Variants in SORCS2 observed in about 807,000 individuals in gnomAD.
SORCS2 encodes VPS10 domain-containing receptor SorCS2.
A neutral mutation model predicts 141.6 loss-of-function variants in SORCS2; 100 were observed. The observed-to-expected ratio is 0.71, with a 90% CI of 0.60 to 0.83. SORCS2 has a LOEUF of 0.83. SORCS2 is among the 40% of genes least tolerant of loss of function. SORCS2 has a pLI of 0.00. For synonymous variants in SORCS2, 789 were observed against 676.9 expected, an observed-to-expected ratio of 1.17 and a Z score of -2.57; for missense variants, 1,646 against 1,560.2, an observed-to-expected ratio of 1.05 and a Z score of -0.93.
intron 2 of SORCS2, among the ~76,000 whole-genome samples, chr4:7,499,607 G>T (rs1374993173): frequency 6.6e-6 from 1 of 152,084 alleles, no homozygotes; most frequent in Non-Finnish European, 1.5e-5. Context: ...ACAGGCCATG[G>T]GGCTGGGCTC....
intron 3 of SORCS2, among the ~76,000 whole-genome samples, chr4:7,586,201 T>C (rs1716523865): frequency 6.6e-6 from 1 of 152,240 alleles, no homozygotes; most frequent in Non-Finnish European, 1.5e-5. Context: ...CTCCCATTAA[T>C]TTGACTGATT....
chr4:7,328,902 A>G (rs540189247), intron 1 of SORCS2, among the ~76,000 whole-genome samples: 39 of 152,274 alleles, frequency 2.6e-4, no homozygotes, highest in African/African-American at 9.4e-4. Flanking sequence ...CACCCTTGGC[A>G]GTTAGCTCAG....
intron 9 of SORCS2, among the ~76,000 whole-genome samples, chr4:7,680,883 G>A (rs971936377): frequency 3.9e-5 from 6 of 152,238 alleles, no homozygotes; most frequent in East Asian, 3.8e-4. Flanking sequence ...GGAGGCAAAA[G>A]ATCTGTACCA....
At chr4:7,330,698 G>A (rs1397433198) in intron 1 of SORCS2, among the ~76,000 whole-genome samples, 1 of 151,988 alleles carries the variant, frequency 6.6e-6, no homozygotes, top group Non-Finnish European at 1.5e-5. Flanking sequence ...TGCTCACCTT[G>A]GAACTTCGCA....
chr4:7,565,086 G>A (rs1349744991), intron 3 of SORCS2, among the ~76,000 whole-genome samples: 1 of 152,186 alleles, frequency 6.6e-6, no homozygotes, highest in African/African-American at 2.4e-5. Context: ...CAGAGGGAGG[G>A]GGAGCAAGGG....
intron 5 of SORCS2, among the ~76,000 whole-genome samples, chr4:7,659,757 A>T (rs1722030727): frequency 6.6e-6 from 1 of 152,192 alleles, no homozygotes; most frequent in Non-Finnish European, 1.5e-5. Context: ...AGCCTTGGAC[A>T]AAGGGGCCAG....
At chr4:7,521,999 C>G in intron 2 of SORCS2, among the ~76,000 whole-genome samples, 1 of 152,224 alleles carries the variant, frequency 6.6e-6, no homozygotes, top group South Asian at 2.1e-4. Context: ...GCCACCTGCC[C>G]ACCACTCTGT....
In SORCS2 at chr4:7,689,547, T is replaced by C. The variant is rs749702077; in HGVS notation, c.1550T>C (p.Val517Ala). Residue 517 changes from valine to alanine, a missense_variant, in exon 11 of 27, where the codon GTG (valine) becomes GCG (alanine). By Grantham distance (64) the Val-to-Ala change is moderately conservative. Coordinates refer to ENST00000507866, the MANE Select transcript of SORCS2 (RefSeq NM_020777.3). ...GACAACCCCTACGTATCAGGCACCG[T>C]GCACACCAAGGACACCGCCCCAGGC... Reference protein sequence around the residue: ...WADNPYVSGTVHTKDTAPGLI... With the variant: ...WADNPYVSGTAHTKDTAPGLI... The C allele has an allele frequency of 2.1e-5, 34 of 1,606,730 alleles. No individual in the cohort carries two copies. The highest frequency in any genetic ancestry group is 2.6e-5 in the Non-Finnish European group (31 of 1,177,254).
chr4:7,517,591 G>C (rs13114336), intron 2 of SORCS2, among the ~76,000 whole-genome samples: 8,403 of 152,224 alleles, frequency 0.055, 430 homozygotes, highest in African/African-American at 0.14. Context: ...ATACGAAAAT[G>C]TTATCATTTT....
At chr4:7,440,382 C>G (rs1411073383) in intron 2 of SORCS2, among the ~76,000 whole-genome samples, 1 of 152,206 alleles carries the variant, frequency 6.6e-6, no homozygotes, top group African/African-American at 2.4e-5. Context: ...TGATGCTGAC[C>G]AAGGGAGAGC....
At chr4:7,348,452 T>C (rs999249691) in intron 1 of SORCS2, among the ~76,000 whole-genome samples, 1 of 152,202 alleles carries the variant, frequency 6.6e-6, no homozygotes, top group Admixed American at 6.5e-5. Flanking sequence ...ACTACTGTCA[T>C]CAGCCTCCAC....
chr4:7,674,497 C>CG (rs565254639), intron 8 of SORCS2, among the ~76,000 whole-genome samples: 126 of 146,376 alleles, frequency 8.6e-4, no homozygotes, highest in South Asian at 1.4e-3. Context: ...GGTGTGAACC[C>CG]GGGGGGGCAG....
chr4:7,681,699 GT>G (rs1723536447), intron 9 of SORCS2, among the ~76,000 whole-genome samples: 1 of 152,194 alleles, frequency 6.6e-6, no homozygotes, highest in Non-Finnish European at 1.5e-5. Context: ...GGCTGCTGTT[GT>G]TCTCCCCATA....
chr4:7,685,920 A>G (rs1233817782), intron 10 of SORCS2, among the ~76,000 whole-genome samples: 1 of 152,212 alleles, frequency 6.6e-6, no homozygotes, highest in Non-Finnish European at 1.5e-5. Context: ...TGCTTGGAAG[A>G]TACAGAAAGG....
intron 1 of SORCS2, among the ~76,000 whole-genome samples, chr4:7,323,472 A>G (rs1719034655): frequency 6.6e-6 from 1 of 152,140 alleles, no homozygotes; most frequent in South Asian, 2.1e-4. Context: ...CTTGATCCTG[A>G]GGAGACCACG....
rs531655702 is a variant in SORCS2, at chr4:7,294,672, C to T, written c.480+101546C>T. 5.4e-3 allele frequency among the ~76,000 whole-genome samples: 729 copies of T among 136,224 alleles called. 14 individuals are homozygous for T. The highest frequency in any genetic ancestry group is 0.018 in the African/African-American group (653 of 35,796). The allele number at this position is 136,224 out of a possible 152,430, so 89.4% of individuals were successfully genotyped here. ...CCCCCTCTCCCTCTTCCTCTCCCTC[C>T]TCCTCCTCCTCCTCCCCCTCATCCT... On this transcript the variant is annotated intron_variant, in intron 1 of 26. Transcript: ENST00000507866.
intron 1 of SORCS2, among the ~76,000 whole-genome samples, chr4:7,350,145 T>C (rs1720854612): frequency 6.6e-6 from 1 of 152,202 alleles, no homozygotes; most frequent in South Asian, 2.1e-4. Context: ...ACTCTTGTTT[T>C]AAAAAGCACA....
At chr4:7,266,399 G>T (rs112492192) in intron 1 of SORCS2, among the ~76,000 whole-genome samples, 1 of 152,184 alleles carries the variant, frequency 6.6e-6, no homozygotes, top group Non-Finnish European at 1.5e-5. Context: ...CCTCATTTCC[G>T]TCCTGCCCTC....
At chr4:7,414,866 T>G (rs1387799751) in intron 2 of SORCS2, among the ~76,000 whole-genome samples, 1 of 152,112 alleles carries the variant, frequency 6.6e-6, no homozygotes, top group Non-Finnish European at 1.5e-5. Flanking sequence ...CCTTATCAGT[T>G]AATTGCGCTC....
Sources: gnomAD v4.1 joint callset for allele counts (sites outside exome capture counted in the v4.1 genomes callset) on GRCh38, gnomAD v4.1.1 for gene constraint, MANE v1.5 for transcripts, NCBI Gene and HGNC (gene_info 2026-07-23, HGNC 2026-07-21) for gene names.